NPR3: variants seen among roughly 807,000 people sequenced by gnomAD.
NPR3 encodes natriuretic peptide receptor 3.
In NPR3, 34 loss-of-function variants were observed where a neutral mutation model predicts 54.5. The ratio of observed to expected loss-of-function variants is 0.62; its 90% CI spans 0.47 to 0.83. The LOEUF (loss-of-function observed/expected upper bound fraction) is 0.83, where lower values mean the gene tolerates loss of function less well. Ranked by LOEUF, NPR3 falls within the 40% of genes least tolerant of loss-of-function variation. NPR3 has a pLI of 0.00. For missense variants in NPR3, 674 were observed against 720.8 expected (o/e 0.94, Z 0.74); for synonymous variants, 289 against 297.1 (o/e 0.97, Z 0.28).
intron 1 of NPR3, among the ~76,000 whole-genome samples, chr5:32,716,036 A>G (rs866109546): frequency 6.6e-6 from 1 of 152,204 alleles, no homozygotes; most frequent in Non-Finnish European, 1.5e-5. Flanking sequence ...ACAGCAGGGG[A>G]AAAAAGGAGC....
chr5:32,710,606 G>A, upstream of NPR3: 1 of 1,414,496 alleles, frequency 7.1e-7, no homozygotes, highest in Non-Finnish European at 9.3e-7. Context: ...CTGGCGCGGG[G>A]CTGAGGAAGG....
At chr5:32,725,907 A>T (rs1308252218) in intron 2 of NPR3, among the ~76,000 whole-genome samples, 1 of 152,218 alleles carries the variant, frequency 6.6e-6, no homozygotes, top group African/African-American at 2.4e-5. Context: ...CCACCAATGT[A>T]TAGAGTTGAA....
intron 4 of NPR3, among the ~76,000 whole-genome samples, chr5:32,776,882 G>A (rs1293926205): frequency 6.6e-6 from 1 of 152,024 alleles, no homozygotes; most frequent in African/African-American, 2.4e-5. Flanking sequence ...AGGGCTGCTA[G>A]TTTAGAGTGG....
chr5:32,694,853 C>A (rs1007275551), intron 1 of NPR3, among the ~76,000 whole-genome samples: 1 of 152,084 alleles, frequency 6.6e-6, no homozygotes, highest in Admixed American at 6.6e-5. Context: ...CTCCCTCCCC[C>A]ACCCTGTCCT....
At chr5:32,717,028 G>A (rs951771428) in intron 1 of NPR3, among the ~76,000 whole-genome samples, 15 of 75,476 alleles carry the variant, frequency 2.0e-4, no homozygotes, top group Middle Eastern at 0.014. Flanking sequence ...GACAGGCCCC[G>A]GTGTGTGATG....
At chr5:32,753,206 T>A (rs1740663014) in intron 3 of NPR3, among the ~76,000 whole-genome samples, 1 of 152,234 alleles carries the variant, frequency 6.6e-6, no homozygotes, top group Admixed American at 6.5e-5. Context: ...GGTAATGTAA[T>A]TAATTTCAGT....
chr5:32,709,910 G>A (rs1738123584), upstream of NPR3: 1 of 152,194 alleles, frequency 6.6e-6, no homozygotes, highest in Non-Finnish European at 1.5e-5. Flanking sequence ...TGCCGAAAGA[G>A]GGCGTCGGTC....
intron 3 of NPR3, among the ~76,000 whole-genome samples, chr5:32,746,862 A>G (rs1413291308): frequency 6.6e-6 from 1 of 152,174 alleles, no homozygotes; most frequent in Non-Finnish European, 1.5e-5. Flanking sequence ...TCCCTTTAAC[A>G]GTTGGTTCTG....
At chr5:32,691,167 T>C (rs1196495660) in intron 1 of NPR3, among the ~76,000 whole-genome samples, 1 of 152,226 alleles carries the variant, frequency 6.6e-6, no homozygotes, top group Non-Finnish European at 1.5e-5. Context: ...AATAGAAAAC[T>C]GAGACATCCT....
Position 32,736,910 on chromosome 5 carries a change from A to C in NPR3, c.893-1954A>C. Among the ~76,000 whole-genome samples, 2 of 152,144 alleles carry C rather than the reference A, an allele frequency of 1.3e-5. 1 individual carries two copies. Among genetic ancestry groups the C allele is most frequent in the Non-Finnish European group, 2.9e-5 (2 of 68,018 alleles). On this transcript the variant is annotated intron_variant, in intron 2 of 7. Transcript: ENST00000265074. ...TCAGCTGTGTCTTATTTGTCTTTTA[A>C]CAGCTCCCTGGCACATGTAAGCAAT...
At chr5:32,786,144 C>A in intron 7 of NPR3, 90 bp from the exon 8 acceptor site, 1 of 623,632 alleles carries the variant, frequency 1.6e-6, no homozygotes, top group East Asian at 3.0e-5. Flanking sequence ...CAACTGAAAC[C>A]CAGATGTCCC....
At chr5:32,715,094 G>C (rs1738478716) in intron 1 of NPR3, among the ~76,000 whole-genome samples, 1 of 152,138 alleles carries the variant, frequency 6.6e-6, no homozygotes, top group Non-Finnish European at 1.5e-5. Flanking sequence ...TTACCCCAAG[G>C]GTGAGGCCAT....
At chr5:32,740,892 G>A (rs1345636173) in intron 3 of NPR3, among the ~76,000 whole-genome samples, 2 of 151,894 alleles carry the variant, frequency 1.3e-5, no homozygotes, top group African/African-American at 4.8e-5. Flanking sequence ...AAGGAAACAT[G>A]TGATAGTGTT....
chr5:32,697,226 A>G (rs1194563436), intron 1 of NPR3, among the ~76,000 whole-genome samples: 2 of 152,212 alleles, frequency 1.3e-5, no homozygotes, highest in Non-Finnish European at 2.9e-5. Flanking sequence ...TTTCAGCATC[A>G]ATTGAAATGA....
chr5:32,694,810 T>A (rs1428097395), intron 1 of NPR3, among the ~76,000 whole-genome samples: 1 of 152,212 alleles, frequency 6.6e-6, no homozygotes, highest in Non-Finnish European at 1.5e-5. Context: ...TTTATCTAAG[T>A]ATATTTTTTA....
chr5:32,763,698 T>G (rs1424566993), intron 3 of NPR3, among the ~76,000 whole-genome samples: 1 of 152,144 alleles, frequency 6.6e-6, no homozygotes. Flanking sequence ...AACATTTATA[T>G]CATCTCCAGG....
chr5:32,759,475 C>T (rs144891674), intron 3 of NPR3, among the ~76,000 whole-genome samples: 4,304 of 152,132 alleles, frequency 0.028, 204 homozygotes, highest in African/African-American at 0.1. Context: ...TCCTCCATCC[C>T]TTTATTTTGA....
chr5:32,766,961 C>A (rs1204880036), intron 3 of NPR3, among the ~76,000 whole-genome samples: 1 of 152,206 alleles, frequency 6.6e-6, no homozygotes, highest in Non-Finnish European at 1.5e-5. Flanking sequence ...GTCTTACGTA[C>A]TGTTTTGTCC....
chr5:32,692,241 A>G (rs1436802781), intron 1 of NPR3, among the ~76,000 whole-genome samples: 1 of 152,228 alleles, frequency 6.6e-6, no homozygotes, highest in African/African-American at 2.4e-5. Context: ...GTACACTTAT[A>G]TATACTTAGA....
Sources: gnomAD v4.1 joint callset for allele counts (sites outside exome capture counted in the v4.1 genomes callset) on GRCh38, gnomAD v4.1.1 for gene constraint, MANE v1.5 for transcripts, NCBI Gene and HGNC (gene_info 2026-07-23, HGNC 2026-07-21) for gene names.